ZDHHC4: variants seen among roughly 807,000 people sequenced by gnomAD.
The protein encoded by ZDHHC4 is palmitoyltransferase ZDHHC4.
Under a neutral mutation model 36.7 loss-of-function variants are expected in ZDHHC4, and 42 were observed. That is an observed-to-expected ratio of 1.14 (90% CI 0.89 to 1.48). The LOEUF (loss-of-function observed/expected upper bound fraction) is 1.48. ZDHHC4 is among the 40% of genes most tolerant of loss of function. The pLI is 0.00. For synonymous variants in ZDHHC4, 189 were observed against 166.6 expected, an observed-to-expected ratio of 1.13 and a Z score of -1.03; for missense variants, 457 against 421.5, an observed-to-expected ratio of 1.08 and a Z score of -0.74.
intron 2 of ZDHHC4, among the ~76,000 whole-genome samples, chr7:6,579,608 C>T (rs1262105080): frequency 6.6e-6 from 1 of 152,142 alleles, no homozygotes; most frequent in Non-Finnish European, 1.5e-5. Flanking sequence ...GGACAGGATG[C>T]CTGATTCTGG....
At chr7:6,585,664 G>C (rs976805618) in intron 7 of ZDHHC4, among the ~76,000 whole-genome samples, 1 of 152,146 alleles carries the variant, frequency 6.6e-6, no homozygotes, top group East Asian at 1.9e-4. Context: ...AAATTAGCTG[G>C]GTGTGGTGGC....
At chr7:6,582,996 C>T (rs1473298944) in intron 5 of ZDHHC4, among the ~76,000 whole-genome samples, 1 of 151,820 alleles carries the variant, frequency 6.6e-6, no homozygotes, top group East Asian at 1.9e-4. Flanking sequence ...AATGGTGAAA[C>T]CCCATCTGTA....
intron 1 of ZDHHC4, 23 bp from the exon 2 acceptor site, chr7:6,578,543 G>A (rs1397750065): frequency 1.3e-5 from 2 of 152,222 alleles, no homozygotes; most frequent in South Asian, 4.1e-4. Flanking sequence ...TTATGTGGGT[G>A]TTGAATTGAT....
At position 6,588,638 on chromosome 7, in the gene ZDHHC4, C is replaced by CG; in HGVS notation, c.765dup (p.Ile256AspfsTer33). ...CTAGTACCTGTTCCTGACTTTTCCACGGATTGTCTTCATGCTGGGCTTTGT... is the reference window on the plus strand; with the variant it reads ...CTAGTACCTGTTCCTGACTTTTCCACGGGATTGTCTTCATGCTGGGCTTTGT... On this transcript the variant is annotated frameshift_variant, in exon 8 of 8. Transcript: ENST00000335965. LOFTEE classifies it high-confidence loss of function. 1 of 1,614,154 alleles carries CG rather than the reference C, an allele frequency of 6.2e-7. No homozygotes were observed. The highest frequency in any genetic ancestry group is 8.5e-7 in the Non-Finnish European group (1 of 1,180,022).
chr7:6,580,836 G>A (rs1780791986), intron 3 of ZDHHC4, 158 bp downstream of exon 3: 2 of 679,482 alleles, frequency 2.9e-6, no homozygotes, highest in Non-Finnish European at 5.0e-6. Context: ...AGGATCCCTT[G>A]AGCCAGGAGT....
intron 6 of ZDHHC4, 148 bp from the exon 7 acceptor site, chr7:6,584,868 A>C: frequency 8.4e-7 from 1 of 1,192,602 alleles, no homozygotes; most frequent in Non-Finnish European, 1.2e-6. Context: ...TGGACACCAC[A>C]GTTCCAAAAG....
intron 2 of ZDHHC4, among the ~76,000 whole-genome samples, chr7:6,578,941 A>G (rs972092654): frequency 1.3e-5 from 2 of 152,050 alleles, no homozygotes; most frequent in African/African-American, 4.8e-5. Flanking sequence ...GTGCTCAAGC[A>G]ATCCTCCCGC....
rs144235091 is a variant in ZDHHC4 at position 6,585,040 on chromosome 7, G to C, written c.521G>C (p.Arg174Pro). The change falls in exon 7 of 8, where the codon CGT (arginine) becomes CCT (proline). Residue 174 changes from arginine (R) to proline (P), a missense_variant. Coordinates refer to ENST00000335965, the MANE Select transcript of ZDHHC4 (RefSeq NM_001134389.2). ...GGTGTGTGTAACTGGTGTGTGCACCGTTTCGACCATCACTGTGTTTGGGTG... is the reference window on the plus strand; with the variant it reads ...GGTGTGTGTAACTGGTGTGTGCACCCTTTCGACCATCACTGTGTTTGGGTG... ...HCSVCNWCVH[R>P]FDHHCVWVNN... 2 of 1,614,138 alleles carry C rather than the reference G, an allele frequency of 1.2e-6. No homozygotes were observed. Among genetic ancestry groups the C allele is most frequent in the Non-Finnish European group, 1.7e-6 (2 of 1,180,030 alleles).
chr7:6,581,940 A>G (rs1780879759), intron 4 of ZDHHC4, 133 bp from the exon 5 acceptor site: 4 of 950,136 alleles, frequency 4.2e-6, no homozygotes, highest in Non-Finnish European at 6.3e-6. Flanking sequence ...AATGTTTCAC[A>G]TAGTTTTCTA....
intron 2 of ZDHHC4, among the ~76,000 whole-genome samples, chr7:6,578,991 T>A (rs1450595548): frequency 6.6e-6 from 1 of 151,914 alleles, no homozygotes; most frequent in African/African-American, 2.4e-5. Flanking sequence ...CTTGGCTAAT[T>A]TTTGTATTTT....
At position 6,588,641 on chromosome 7, in the gene ZDHHC4, A is replaced by T; in HGVS notation, c.766A>T (p.Ile256Phe). Residue 256 changes from isoleucine to phenylalanine, a missense_variant, in exon 8 of 8, where the codon ATT becomes TTT. By Grantham distance (21) the Ile-to-Phe change is conservative (BLOSUM62 0). Transcript: ENST00000335965. Reference sequence around the variant, plus strand: ...GTACCTGTTCCTGACTTTTCCACGGATTGTCTTCATGCTGGGCTTTGTCGT... The same window carrying T: ...GTACCTGTTCCTGACTTTTCCACGGTTTGTCTTCATGCTGGGCTTTGTCGT... ...IQYLFLTFPR[I>F]VFMLGFVVVL... 6.2e-7 allele frequency: 1 copy of T among 1,613,986 alleles called. No homozygotes were observed. Among genetic ancestry groups the T allele is most frequent in the Non-Finnish European group, 8.5e-7 (1 of 1,179,996 alleles).
intron 7 of ZDHHC4, among the ~76,000 whole-genome samples, chr7:6,585,695 A>G (rs561902809): frequency 7.0e-4 from 106 of 150,742 alleles, no homozygotes; most frequent in Middle Eastern, 3.4e-3. Flanking sequence ...TGTTCTAGCT[A>G]CTTGGGAGGC....
In ZDHHC4 at chr7:6,582,469, C is replaced by G. The variant is rs556033910; in HGVS notation, c.370+218C>G. On this transcript the variant is annotated intron_variant, in intron 5 of 7. Transcript: ENST00000335965. The stretch of plus-strand genomic sequence containing the variant: ...AAATTTTTAGTTTATCTTTTTAATG[C>G]TTTCACTTCGTTTTGTCATATATAG... 9.1e-5 allele frequency: 50 copies of G among 546,860 alleles called. No individual in the cohort carries two copies. In the South Asian group the frequency reaches 1.2e-3, roughly 13 times the overall value. 33.9% of individuals were successfully genotyped at this position (546,860 alleles called of 1,614,324 possible).
At chr7:6,578,455 T>C (rs1470266450) in intron 1 of ZDHHC4, 111 bp from the exon 2 acceptor site, 1 of 152,248 alleles carries the variant, frequency 6.6e-6, no homozygotes, top group Non-Finnish European at 1.5e-5. Flanking sequence ...TACCCATTCA[T>C]GCTGGGGGTG....
intron 6 of ZDHHC4, among the ~76,000 whole-genome samples, chr7:6,584,524 A>T (rs1263471233): frequency 6.6e-6 from 1 of 152,226 alleles, no homozygotes; most frequent in Admixed American, 6.5e-5. Context: ...ATCCAAGTCA[A>T]GTAAATTAAC....
At chr7:6,586,748 T>C (rs1458688171) in intron 7 of ZDHHC4, among the ~76,000 whole-genome samples, 1 of 152,196 alleles carries the variant, frequency 6.6e-6, no homozygotes, top group Non-Finnish European at 1.5e-5. Context: ...AGTGCTGGGA[T>C]TACAGGCATG....
At chr7:6,581,960 T>TA (rs1780881897) in intron 4 of ZDHHC4, 113 bp from the exon 5 acceptor site, 2 of 1,051,194 alleles carry the variant, frequency 1.9e-6, no homozygotes, top group Non-Finnish European at 2.8e-6. Flanking sequence ...ATGTAATTCT[T>TA]ACTATTATCT....
intron 2 of ZDHHC4, among the ~76,000 whole-genome samples, chr7:6,578,982 T>G (rs10277061): frequency 1.3e-5 from 2 of 151,780 alleles, no homozygotes; most frequent in African/African-American, 2.4e-5. Flanking sequence ...GCAACCACAC[T>G]TGGCTAATTT....
Position 6,588,702 on chromosome 7 carries a change from T to C in ZDHHC4, c.827T>C (p.Phe276Ser), listed in dbSNP as rs1407096176. ...TTCCTCCTGGGTGGCTACCTGTTGT[T>C]TGTCCTGTATCTGGCGGCCACCAAC... is the stretch of plus-strand genomic sequence containing the variant. Reference protein sequence around the residue: ...LSFLLGGYLLFVLYLAATNQT... With the variant: ...LSFLLGGYLLSVLYLAATNQT... Residue 276 changes from phenylalanine to serine, a missense_variant, in exon 8 of 8, where the codon TTT (phenylalanine) becomes TCT (serine). Phe to Ser is a radical substitution (Grantham distance 155). Transcript: ENST00000335965. 2 of 1,614,222 alleles carry C rather than the reference T, an allele frequency of 1.2e-6. No individual in the cohort carries two copies. Among genetic ancestry groups the C allele is most frequent in the African/African-American group, 2.7e-5 (2 of 75,062 alleles).
Sources: gnomAD v4.1 joint callset for allele counts (sites outside exome capture counted in the v4.1 genomes callset) on GRCh38, gnomAD v4.1.1 for gene constraint, MANE v1.5 for transcripts, NCBI Gene and HGNC (gene_info 2026-07-23, HGNC 2026-07-21) for gene names.